PROS1: variants seen among roughly 807,000 people sequenced by gnomAD.
PROS1 encodes the protein protein S, also known as vitamin K-dependent protein S.
In PROS1, 29 loss-of-function variants were observed where a neutral mutation model predicts 75.9. That is an observed-to-expected ratio of 0.38 (90% CI 0.28 to 0.52). PROS1 has a LOEUF of 0.52. Ranked by LOEUF, PROS1 falls within the 20% of genes least tolerant of loss-of-function variation. The pLI is 0.83. For synonymous variants in PROS1, 245 were observed against 280.6 expected, an observed-to-expected ratio of 0.87 and a Z score of 1.27; for missense variants, 680 against 810.3, an observed-to-expected ratio of 0.84 and a Z score of 1.95.
At chr3:93,943,719 C>T (rs1379394152) in intron 1 of PROS1, among the ~76,000 whole-genome samples, 1 of 152,130 alleles carries the variant, frequency 6.6e-6, no homozygotes, top group Non-Finnish European at 1.5e-5. Flanking sequence ...CCATCATATC[C>T]CCTGTGACCT....
At chr3:93,895,123 T>A (rs1435017656) in intron 9 of PROS1, among the ~76,000 whole-genome samples, 1 of 152,164 alleles carries the variant, frequency 6.6e-6, no homozygotes, top group African/African-American at 2.4e-5. Context: ...TAATACTCAA[T>A]ACAATGCAAA....
intron 8 of PROS1, among the ~76,000 whole-genome samples, chr3:93,898,078 G>A (rs968978574): frequency 1.8e-4 from 28 of 152,120 alleles, no homozygotes; most frequent in Middle Eastern, 3.4e-3. Flanking sequence ...CAGAAAAGTA[G>A]ACACTGGAAA....
intron 4 of PROS1, among the ~76,000 whole-genome samples, chr3:93,909,365 G>A (rs1490610677): frequency 1.3e-5 from 2 of 149,878 alleles, no homozygotes; most frequent in Non-Finnish European, 3.0e-5. Context: ...AACCTAGGAG[G>A]TTGAGGCTGC....
intron 1 of PROS1, among the ~76,000 whole-genome samples, chr3:93,956,065 A>G (rs906000448): frequency 1.3e-5 from 2 of 152,154 alleles, no homozygotes; most frequent in East Asian, 1.9e-4. Flanking sequence ...GTTTCCATCC[A>G]TGATAGTAAA....
At chr3:93,949,029 T>C (rs75944758) in intron 1 of PROS1, among the ~76,000 whole-genome samples, 4,605 of 152,248 alleles carry the variant, frequency 0.03, 233 homozygotes, top group African/African-American at 0.1. Context: ...TCATGGAACA[T>C]GTGTTTATCA....
intron 1 of PROS1, among the ~76,000 whole-genome samples, chr3:93,955,763 T>C (rs1485318581): frequency 6.6e-6 from 1 of 151,966 alleles, no homozygotes; most frequent in Non-Finnish European, 1.5e-5. Flanking sequence ...TGCAGGCAAT[T>C]GTCATTACCA....
At chr3:93,962,259 T>C (rs1344846919) in intron 1 of PROS1, among the ~76,000 whole-genome samples, 1 of 151,938 alleles carries the variant, frequency 6.6e-6, no homozygotes, top group African/African-American at 2.4e-5. Flanking sequence ...TCTCACGAGA[T>C]TGAGATGAAT....
chr3:93,888,456 G>T (rs1196111231), intron 10 of PROS1, among the ~76,000 whole-genome samples: 1 of 151,772 alleles, frequency 6.6e-6, no homozygotes, highest in Non-Finnish European at 1.5e-5. Flanking sequence ...GAATTATTTT[G>T]GTTTTGATTG....
intron 11 of PROS1, 23 bp from the exon 12 acceptor site, chr3:93,884,919 A>G (rs1180143500): frequency 6.2e-7 from 1 of 1,602,524 alleles, no homozygotes; most frequent in African/African-American, 1.3e-5. Flanking sequence ...AATACAAGTC[A>G]AGGAGTGCAT....
intron 1 of PROS1, among the ~76,000 whole-genome samples, chr3:93,933,402 C>A (rs551531927): frequency 2.6e-5 from 4 of 151,880 alleles, no homozygotes; most frequent in Non-Finnish European, 2.9e-5. Context: ...TAGGGAAACA[C>A]CATCTCTACA....
chr3:93,944,373 T>A (rs1360342482), intron 1 of PROS1, among the ~76,000 whole-genome samples: 3 of 152,104 alleles, frequency 2.0e-5, no homozygotes, highest in African/African-American at 7.2e-5. Flanking sequence ...TACATTCTTC[T>A]CAGCACCACA....
intron 14 of PROS1, among the ~76,000 whole-genome samples, chr3:93,875,745 G>A (rs1013521549): frequency 1.1e-4 from 16 of 151,638 alleles, no homozygotes; most frequent in African/African-American, 3.9e-4. Flanking sequence ...CAAAACCCCA[G>A]ATACAATTTC....
At chr3:93,915,009 G>A (rs914947042) in intron 3 of PROS1, among the ~76,000 whole-genome samples, 1 of 152,180 alleles carries the variant, frequency 6.6e-6, no homozygotes, top group Non-Finnish European at 1.5e-5. Context: ...TTGGGAAATG[G>A]TAACTTGGGA....
At chr3:93,959,617 G>T (rs896465541) in intron 1 of PROS1, among the ~76,000 whole-genome samples, 1 of 152,194 alleles carries the variant, frequency 6.6e-6, no homozygotes, top group African/African-American at 2.4e-5. Context: ...TTACCTGAAA[G>T]TCTTGTTTAA....
intron 1 of PROS1, among the ~76,000 whole-genome samples, chr3:93,938,943 G>A (rs1196580979): frequency 1.3e-5 from 2 of 152,080 alleles, no homozygotes; most frequent in African/African-American, 4.8e-5. Context: ...GCCCAGGGCT[G>A]CTCACCACCC....
At chr3:93,912,817 G>A (rs1219805286) in intron 3 of PROS1, among the ~76,000 whole-genome samples, 1 of 152,100 alleles carries the variant, frequency 6.6e-6, no homozygotes, top group Non-Finnish European at 1.5e-5. Flanking sequence ...TGATGGTGGA[G>A]CCTTAATGAC....
At chr3:93,907,347 G>A (rs781289263) in intron 4 of PROS1, among the ~76,000 whole-genome samples, 2 of 152,202 alleles carry the variant, frequency 1.3e-5, no homozygotes, top group Non-Finnish European at 2.9e-5. Context: ...TGTCTGTAGA[G>A]AAGAACCACT....
intron 14 of PROS1, among the ~76,000 whole-genome samples, chr3:93,875,670 CT>C (rs1337969119): frequency 7.3e-6 from 1 of 137,116 alleles, no homozygotes; most frequent in African/African-American, 2.6e-5. Context: ...ATCTATCTAT[CT>C]ATCTATCATC....
At chr3:93,965,835 C>T (rs1265106702) in intron 1 of PROS1, among the ~76,000 whole-genome samples, 2 of 152,154 alleles carry the variant, frequency 1.3e-5, no homozygotes, top group Admixed American at 1.3e-4. Flanking sequence ...GCTGGAATTA[C>T]AGGTGGGCAC....
Sources: allele counts gnomAD v4.1 joint callset (sites outside exome capture counted in the v4.1 genomes callset), GRCh38; gene constraint gnomAD v4.1.1; transcripts MANE v1.5; gene names NCBI Gene and HGNC (gene_info 2026-07-23, HGNC 2026-07-21).